PPARD: variants seen among roughly 807,000 people sequenced by gnomAD.
PPARD encodes the protein peroxisome proliferator-activated receptor delta.
Under a neutral mutation model 39.5 loss-of-function variants are expected in PPARD, and 6 were observed. That is an observed-to-expected ratio of 0.15 (90% CI 0.08 to 0.30). The LOEUF (loss-of-function observed/expected upper bound fraction) is 0.30, where lower values mean the gene tolerates loss of function less well. Among genes scored for constraint, PPARD ranks in the 10% least tolerant of loss-of-function variants. The pLI, the probability that PPARD is intolerant of heterozygous loss-of-function variation, is 1.00. For missense variants in PPARD, 397 were observed against 596.8 expected, an observed-to-expected ratio of 0.67 and a Z score of 3.49; for synonymous variants, 210 against 231.3, an observed-to-expected ratio of 0.91 and a Z score of 0.83.
At chr6:35,382,302 T>A (rs1763196994) in intron 2 of PPARD, among the ~76,000 whole-genome samples, 1 of 152,002 alleles carries the variant, frequency 6.6e-6, no homozygotes, top group Non-Finnish European at 1.5e-5. Flanking sequence ...AGGAATGGGG[T>A]CGTTGTCAGG....
chr6:35,342,906 C>G (rs1203008242), intron 1 of PPARD, among the ~76,000 whole-genome samples: 1 of 152,194 alleles, frequency 6.6e-6, no homozygotes, highest in Non-Finnish European at 1.5e-5. Context: ...CCTGCGCCCC[C>G]CCGCCCTTGG....
intron 2 of PPARD, among the ~76,000 whole-genome samples, chr6:35,381,499 C>A (rs1355677747): frequency 6.6e-6 from 1 of 152,120 alleles, no homozygotes; most frequent in Non-Finnish European, 1.5e-5. Context: ...GCTCTGCCAT[C>A]CTTAGTGCAG....
chr6:35,380,617 G>A (rs1318511595), intron 2 of PPARD, among the ~76,000 whole-genome samples: 2 of 149,410 alleles, frequency 1.3e-5, no homozygotes, highest in African/African-American at 4.9e-5. Context: ...TCAGCCTCCC[G>A]AGTAGCTGGA....
intron 2 of PPARD, among the ~76,000 whole-genome samples, chr6:35,388,314 T>A (rs1412170645): frequency 6.6e-6 from 1 of 151,942 alleles, no homozygotes; most frequent in Non-Finnish European, 1.5e-5. Flanking sequence ...AGAGAGAACA[T>A]GAGAGGCAGC....
chr6:35,362,380 C>T (rs1056577123), intron 2 of PPARD, among the ~76,000 whole-genome samples: 2 of 151,654 alleles, frequency 1.3e-5, no homozygotes, highest in Non-Finnish European at 2.9e-5. Flanking sequence ...CTCTGCCTCT[C>T]CCCATCTGTG....
At chr6:35,385,028 C>T (rs1412954804) in intron 2 of PPARD, among the ~76,000 whole-genome samples, 2 of 144,282 alleles carry the variant, frequency 1.4e-5, no homozygotes, top group Non-Finnish European at 3.0e-5. Flanking sequence ...GTCAGCCCCC[C>T]ACCCGGCCAG....
At chr6:35,382,771 C>G (rs551579844) in intron 2 of PPARD, among the ~76,000 whole-genome samples, 1 of 152,164 alleles carries the variant, frequency 6.6e-6, no homozygotes, top group South Asian at 2.1e-4. Context: ...GTACTGTGAC[C>G]CTGGGCAAGT....
At chr6:35,421,736 A>T (rs1766184501) in intron 4 of PPARD, 84 bp from the exon 5 acceptor site, 2 of 1,428,470 alleles carry the variant, frequency 1.4e-6, no homozygotes, top group African/African-American at 2.9e-5. Flanking sequence ...AGGAGTGTTT[A>T]CACCTTATAC....
chr6:35,367,228 A>G (rs1044408192), intron 2 of PPARD, among the ~76,000 whole-genome samples: 21 of 152,328 alleles, frequency 1.4e-4, no homozygotes, highest in African/African-American at 5.1e-4. Flanking sequence ...ATTTGGGAAC[A>G]TGGGGCATTT....
At position 35,425,157 on chromosome 6, in the gene PPARD, C is replaced by G. The variant is rs2150864511; in HGVS notation, c.1078+378C>G. ...GATGTGGTGGCACGCGCCTGTAATC[C>G]CAGCTACTTGGGAGGCTGAGCCAGG... On this transcript the variant is annotated intron_variant, in intron 7 of 7. Transcript: ENST00000360694. The surrounding 1 kb of genome is among the most constrained non-coding windows in gnomAD (Gnocchi z 4.5). 2.5e-6 allele frequency: 2 copies of G among 791,976 alleles called. No individual in the cohort carries two copies. Among genetic ancestry groups the G allele is most frequent in the Non-Finnish European group, 1.6e-6 (1 of 633,406 alleles). The allele number at this position is 791,976 out of a possible 1,614,324, so 49.1% of individuals were successfully genotyped here. A position where few individuals can be genotyped will look rare whatever the true frequency, so the allele number is the denominator to read the frequency against.
chr6:35,351,631 G>A (rs928923697), intron 2 of PPARD, among the ~76,000 whole-genome samples: 4 of 151,782 alleles, frequency 2.6e-5, no homozygotes, highest in Admixed American at 1.3e-4. Context: ...TAGCTCACTT[G>A]CAGCCTCCAA....
chr6:35,350,716 C>G (rs920222429), intron 2 of PPARD, among the ~76,000 whole-genome samples: 1 of 138,436 alleles, frequency 7.2e-6, no homozygotes, highest in African/African-American at 2.7e-5. Context: ...GCCTCTGCCT[C>G]CCGTGTTCGA....
chr6:35,375,037 C>T (rs994082460), intron 2 of PPARD, among the ~76,000 whole-genome samples: 7 of 152,062 alleles, frequency 4.6e-5, no homozygotes, highest in African/African-American at 1.2e-4. Flanking sequence ...TTTTGTGTCA[C>T]GATGTTTAGG....
intron 2 of PPARD, among the ~76,000 whole-genome samples, chr6:35,408,977 C>T (rs1231888468): frequency 6.6e-6 from 1 of 152,096 alleles, no homozygotes; most frequent in African/African-American, 2.4e-5. Flanking sequence ...CAGGATCCCA[C>T]ATTCATTTAG....
chr6:35,360,139 G>A (rs1562174417), intron 2 of PPARD, among the ~76,000 whole-genome samples: 4 of 152,112 alleles, frequency 2.6e-5, no homozygotes, highest in Non-Finnish European at 4.4e-5. Flanking sequence ...GAGAATAGTC[G>A]TGCATACTGG....
At position 35,371,400 on chromosome 6, in the gene PPARD, A is replaced by T. The variant is rs1276143857; in HGVS notation, c.-102+24250A>T. ...CTTGTCCCTTCCTGTGGCTGTGACC[A>T]TCTGCTCTTATAGCTACCAAATACT... On this transcript the variant is annotated intron_variant, in intron 2 of 7. Transcript: ENST00000360694. Among the ~76,000 whole-genome samples the T allele has an allele frequency of 2.6e-5, 4 of 151,954 alleles. No homozygotes were observed. The South Asian group carries it at 8.3e-4, about 32-fold the overall frequency.
chr6:35,379,013 A>G (rs1257364927), intron 2 of PPARD, among the ~76,000 whole-genome samples: 1 of 152,064 alleles, frequency 6.6e-6, no homozygotes, highest in Non-Finnish European at 1.5e-5. Flanking sequence ...CCAACTCTCA[A>G]TTCCCTTGGC....
At position 35,401,870 on chromosome 6, in the gene PPARD, A is replaced by G. The variant is rs948444746; in HGVS notation, c.-101-9117A>G. On this transcript the variant is annotated intron_variant, in intron 2 of 7. Coordinates refer to ENST00000360694, the MANE Select transcript of PPARD (RefSeq NM_006238.5). This position sits in a 1 kb window ranked among gnomAD's most constrained non-coding sequence, Gnocchi z 4.1. The stretch of plus-strand genomic sequence containing the variant: ...CAGAGGGGCAGGGACAGTGTCCACA[A>G]CCATAGCCCCTGTGGTCTTAGCTGA... Among the ~76,000 whole-genome samples the G allele has an allele frequency of 1.3e-5, 2 of 152,048 alleles. No homozygotes were observed. The highest frequency in any genetic ancestry group is 2.4e-5 in the African/African-American group (1 of 41,402).
chr6:35,387,568 C>G (rs12174590), intron 2 of PPARD, among the ~76,000 whole-genome samples: 1 of 151,622 alleles, frequency 6.6e-6, no homozygotes, highest in African/African-American at 2.4e-5. Context: ...CATGCACGCT[C>G]TCATGTGCGT....
Sources: allele counts gnomAD v4.1 joint callset (sites outside exome capture counted in the v4.1 genomes callset), GRCh38; gene constraint gnomAD v4.1.1; non-coding constraint Gnocchi (gnomAD v3.1); transcripts MANE v1.5; gene names NCBI Gene and HGNC (gene_info 2026-07-23, HGNC 2026-07-21).